DCC: variants seen among roughly 807,000 people sequenced by gnomAD.
The protein encoded by DCC is DCC netrin 1 receptor, also known as netrin receptor DCC.
In DCC, 58 loss-of-function variants were observed where a neutral mutation model predicts 172.5. The ratio of observed to expected loss-of-function variants is 0.34; its 90% CI spans 0.27 to 0.42. DCC has a LOEUF of 0.42. Among genes scored for constraint, DCC ranks in the 10% least tolerant of loss-of-function variants. DCC has a pLI of 1.00. For synonymous variants in DCC, 709 were observed against 644.5 expected (o/e 1.10, Z -1.52); for missense variants, 1,740 against 1,791.0 (o/e 0.97, Z 0.51).
At chr18:53,311,671 T>G (rs1425975994) in intron 13 of DCC, among the ~76,000 whole-genome samples, 1 of 152,216 alleles carries the variant, frequency 6.6e-6, no homozygotes. Context: ...ATACCCATAT[T>G]ATTACTTACT....
chr18:52,603,561 G>A lies in DCC; in HGVS notation c.92-148493G>A, dbSNP rs8096155. Among the ~76,000 whole-genome samples the A allele has an allele frequency of 6.0e-3, 885 of 146,568 alleles. 12 individuals are homozygous for A. The highest frequency in any genetic ancestry group is 0.021 in the African/African-American group (833 of 39,800). On this transcript the variant is annotated intron_variant, in intron 1 of 28. Transcript: ENST00000442544. ...GAGATTATTTTTTAAAAAAATAAAC[G>A]TATTTAGAAACCCTAAAATGTGAAG... is the stretch of plus-strand genomic sequence containing the variant.
At chr18:52,491,694 G>A (rs535331949) in intron 1 of DCC, among the ~76,000 whole-genome samples, 1 of 152,088 alleles carries the variant, frequency 6.6e-6, no homozygotes, top group East Asian at 1.9e-4. Context: ...GTATTTTGTA[G>A]ATACAATTGA....
At chr18:53,169,743 G>A (rs533144913) in intron 8 of DCC, among the ~76,000 whole-genome samples, 9 of 152,180 alleles carry the variant, frequency 5.9e-5, no homozygotes, top group East Asian at 1.9e-4. Context: ...GTGAGAGGCC[G>A]AACAATACAA....
At chr18:52,499,514 C>T (rs2030939386) in intron 1 of DCC, among the ~76,000 whole-genome samples, 2 of 152,148 alleles carry the variant, frequency 1.3e-5, no homozygotes, top group Non-Finnish European at 2.9e-5. Context: ...TATTTCATTT[C>T]CTGATCTTCT....
intron 5 of DCC, among the ~76,000 whole-genome samples, chr18:53,035,645 T>C (rs1361598845): frequency 1.3e-5 from 2 of 152,100 alleles, no homozygotes; most frequent in African/African-American, 4.8e-5. Flanking sequence ...TATAGCAGCG[T>C]AGGGAAAACT....
chr18:52,655,986 G>A (rs56821606), intron 1 of DCC, among the ~76,000 whole-genome samples: 87,103 of 135,234 alleles, frequency 0.64, 28,980 homozygotes, highest in East Asian at 0.88. Context: ...GTGTGTGTGT[G>A]TATATATATA....
intron 2 of DCC, among the ~76,000 whole-genome samples, chr18:52,810,014 T>C (rs2038163365): frequency 6.6e-6 from 1 of 152,126 alleles, no homozygotes; most frequent in African/African-American, 2.4e-5. Flanking sequence ...GAATTCTTAG[T>C]TGGCCTAGGA....
rs188456417 is a variant in DCC at position 53,156,781 on chromosome 18, A to G, written c.1262-575A>G. Among the ~76,000 whole-genome samples, 22 of 152,312 alleles carry G rather than the reference A, an allele frequency of 1.4e-4. No individual in the cohort carries two copies. The East Asian group carries it at 4.2e-3, about 29-fold the overall frequency. On this transcript the variant is annotated intron_variant, in intron 7 of 28. Transcript: ENST00000442544. Reference sequence around the variant, plus strand: ...TCTTGAGTTTATCTTCTGAATTGTAATACCGTCTTTTACTTCGAATATAGA... The same window carrying G: ...TCTTGAGTTTATCTTCTGAATTGTAGTACCGTCTTTTACTTCGAATATAGA...
chr18:52,881,315 T>C (rs1310598639), intron 2 of DCC, among the ~76,000 whole-genome samples: 3 of 151,948 alleles, frequency 2.0e-5, no homozygotes, highest in African/African-American at 4.8e-5. Context: ...TTCCTTTTCA[T>C]GTTGACTGTT....
At chr18:53,000,487 A>G (rs974702301) in intron 5 of DCC, among the ~76,000 whole-genome samples, 2 of 151,130 alleles carry the variant, frequency 1.3e-5, no homozygotes, top group Non-Finnish European at 1.5e-5. Context: ...CCAAAGTTCT[A>G]TAGGTTTTTT....
chr18:52,548,452 C>CTTGG (rs1488720884), intron 1 of DCC, among the ~76,000 whole-genome samples: 3 of 152,046 alleles, frequency 2.0e-5, no homozygotes, highest in African/African-American at 7.2e-5. Flanking sequence ...AACCAGTGTG[C>CTTGG]TTGGTCACCC....
intron 1 of DCC, among the ~76,000 whole-genome samples, chr18:52,394,981 A>G (rs991620011): frequency 6.6e-6 from 1 of 152,090 alleles, no homozygotes; most frequent in South Asian, 2.1e-4. Flanking sequence ...CCAGACACAC[A>G]GCCTGCGGGT....
rs569550775 is a variant in DCC, at chr18:53,448,433, A to G, written c.3230-2067A>G. ...TCAGACCTTGTTGTGAGAATTCACTATCACAAGACCAGCATGCGGGTAAAC... is the reference window on the plus strand; with the variant it reads ...TCAGACCTTGTTGTGAGAATTCACTGTCACAAGACCAGCATGCGGGTAAAC... On this transcript the variant is annotated intron_variant, in intron 22 of 28. Coordinates refer to ENST00000442544, the MANE Select transcript of DCC (RefSeq NM_005215.4). Among the ~76,000 whole-genome samples, 30 of 152,334 alleles carry G rather than the reference A, an allele frequency of 2.0e-4. No homozygotes were observed. The South Asian group carries it at 3.9e-3, about 20-fold the overall frequency.
chr18:53,111,706 T>C (rs1186731732), intron 7 of DCC, among the ~76,000 whole-genome samples: 2 of 151,702 alleles, frequency 1.3e-5, no homozygotes, highest in Non-Finnish European at 3.0e-5. Context: ...GGGATACATA[T>C]ATGTCCATCT....
intron 24 of DCC, among the ~76,000 whole-genome samples, chr18:53,464,998 A>G (rs2045602447): frequency 6.6e-6 from 1 of 151,460 alleles, no homozygotes; most frequent in African/African-American, 2.4e-5. Context: ...AAAAAAAAAA[A>G]AAAGAGAAGA....
At chr18:52,533,080 T>C (rs888611454) in intron 1 of DCC, among the ~76,000 whole-genome samples, 1 of 152,154 alleles carries the variant, frequency 6.6e-6, no homozygotes. Context: ...GAAGTTTTTA[T>C]TGAAATAATC....
intron 5 of DCC, among the ~76,000 whole-genome samples, chr18:52,975,673 G>A (rs141468092): frequency 2.3e-4 from 35 of 152,126 alleles, no homozygotes; most frequent in East Asian, 3.9e-4. Flanking sequence ...ATCCATGTTC[G>A]TGCAAAGGAT....
intron 12 of DCC, among the ~76,000 whole-genome samples, chr18:53,269,159 T>C (rs1263602428): frequency 6.6e-6 from 1 of 152,138 alleles, no homozygotes; most frequent in Non-Finnish European, 1.5e-5. Context: ...CCTGTGCATA[T>C]GGGATTTTTC....
chr18:52,774,349 C>T (rs964891054), intron 2 of DCC, among the ~76,000 whole-genome samples: 5 of 152,184 alleles, frequency 3.3e-5, no homozygotes, highest in South Asian at 2.1e-4. Flanking sequence ...ATGTTGAAGA[C>T]GCTTCAGTAC....
Sources: gnomAD v4.1 joint callset for allele counts (sites outside exome capture counted in the v4.1 genomes callset) on GRCh38, gnomAD v4.1.1 for gene constraint, MANE v1.5 for transcripts, NCBI Gene and HGNC (gene_info 2026-07-23, HGNC 2026-07-21) for gene names.